DLGAP2: variants seen among roughly 807,000 people sequenced by gnomAD.
DLGAP2 encodes DLG associated protein 2.
Under a neutral mutation model 100.3 loss-of-function variants are expected in DLGAP2, and 26 were observed. That is an observed-to-expected ratio of 0.26 (90% CI 0.19 to 0.36). The LOEUF (loss-of-function observed/expected upper bound fraction) is 0.36. Ranked by LOEUF, DLGAP2 falls within the 10% of genes least tolerant of loss-of-function variation. The pLI is 1.00. For missense variants in DLGAP2, 1,858 were observed against 1,453.2 expected, an observed-to-expected ratio of 1.28 and a Z score of -4.53; for synonymous variants, 886 against 630.1, an observed-to-expected ratio of 1.41 and a Z score of -6.08.
chr8:1,237,908 C>G (rs1164894305), intron 2 of DLGAP2, among the ~76,000 whole-genome samples: 1 of 10,784 alleles, frequency 9.3e-5, no homozygotes, highest in African/African-American at 9.1e-4. Flanking sequence ...GTATCTAGTT[C>G]TCTCTCACGC....
At position 1,705,354 on chromosome 8, in the gene DLGAP2, G is replaced by C. The variant is rs1799678285; in HGVS notation, c.*3948G>C. On this transcript the variant is annotated 3_prime_UTR_variant, in exon 15 of 15. Transcript: ENST00000637795. Reference sequence around the variant, plus strand: ...GCGTTTCATCAGTCAGCCTTGCTTGGAATTCTGGCAGGTTCCCCGGGGTGT... The same window carrying C: ...GCGTTTCATCAGTCAGCCTTGCTTGCAATTCTGGCAGGTTCCCCGGGGTGT... The C allele has an allele frequency of 6.6e-6, 1 of 152,276 alleles. No homozygotes were observed. 9.4% of individuals were successfully genotyped at this position (152,276 alleles called of 1,614,324 possible).
chr8:1,200,499 G>C (rs1419897197), intron 2 of DLGAP2, among the ~76,000 whole-genome samples: 1 of 152,150 alleles, frequency 6.6e-6, no homozygotes, highest in African/African-American at 2.4e-5. Flanking sequence ...GTGCTCCTCG[G>C]GGGCTGAAGG....
intron 2 of DLGAP2, among the ~76,000 whole-genome samples, chr8:1,178,880 T>G (rs1403239948): frequency 6.6e-6 from 1 of 152,152 alleles, no homozygotes; most frequent in Non-Finnish European, 1.5e-5. Flanking sequence ...GCTCTTTCAG[T>G]TAGGAGCCCC....
intron 2 of DLGAP2, among the ~76,000 whole-genome samples, chr8:1,257,134 G>T (rs1799240890): frequency 6.6e-6 from 1 of 152,260 alleles, no homozygotes; most frequent in Non-Finnish European, 1.5e-5. Context: ...GAAGTCGGGA[G>T]AGCTCAGTAG....
intron 5 of DLGAP2, among the ~76,000 whole-genome samples, chr8:1,550,289 T>A (rs1236923479): frequency 6.6e-6 from 1 of 152,206 alleles, no homozygotes; most frequent in Non-Finnish European, 1.5e-5. Context: ...GACGGCACGC[T>A]ATGGCTTTGT....
intron 2 of DLGAP2, among the ~76,000 whole-genome samples, chr8:1,245,229 C>G (rs544125838): frequency 2.6e-5 from 4 of 152,238 alleles, no homozygotes; most frequent in African/African-American, 7.2e-5. Flanking sequence ...ACCATAAATC[C>G]CATTTCTTGG....
At chr8:775,272 A>G (rs1312155616) in intron 1 of DLGAP2, among the ~76,000 whole-genome samples, 1 of 152,140 alleles carries the variant, frequency 6.6e-6, no homozygotes, top group East Asian at 1.9e-4. Context: ...GGTTTTCTAG[A>G]TATACAATGA....
intron 4 of DLGAP2, among the ~76,000 whole-genome samples, chr8:1,546,737 A>T (rs1440622625): frequency 6.6e-6 from 1 of 152,098 alleles, no homozygotes; most frequent in Non-Finnish European, 1.5e-5. Flanking sequence ...GCAGGGCATG[A>T]TGGACTCACC....
At chr8:1,372,287 C>G (rs1802259259) in intron 3 of DLGAP2, among the ~76,000 whole-genome samples, 1 of 152,050 alleles carries the variant, frequency 6.6e-6, no homozygotes, top group Non-Finnish European at 1.5e-5. Flanking sequence ...ACGCTGGTCA[C>G]CGTGCTGCCA....
intron 3 of DLGAP2, among the ~76,000 whole-genome samples, chr8:1,427,628 C>T (rs1797272201): frequency 1.3e-5 from 2 of 152,150 alleles, no homozygotes; most frequent in South Asian, 4.1e-4. Context: ...GGGGGTGGGT[C>T]TTTCCTGCTC....
chr8:1,418,984 C>G (rs1055039392), intron 3 of DLGAP2, among the ~76,000 whole-genome samples: 3 of 152,262 alleles, frequency 2.0e-5, no homozygotes, highest in African/African-American at 4.8e-5. Context: ...AATGCTCCCA[C>G]TCAGGCACAG....
intron 1 of DLGAP2, among the ~76,000 whole-genome samples, chr8:788,293 T>C (rs2132635437): frequency 6.6e-6 from 1 of 152,378 alleles, no homozygotes; most frequent in South Asian, 2.1e-4. Context: ...CCATGTGGTC[T>C]GGTCGAGATA....
At chr8:751,878 T>C (rs915097589) in intron 1 of DLGAP2, among the ~76,000 whole-genome samples, 6 of 152,110 alleles carry the variant, frequency 3.9e-5, no homozygotes, top group African/African-American at 1.4e-4. Context: ...TAGTAAGTCC[T>C]TATAGGAAGT....
intron 3 of DLGAP2, among the ~76,000 whole-genome samples, chr8:1,457,919 A>G (rs995803764): frequency 1.4e-5 from 2 of 146,592 alleles, no homozygotes; most frequent in African/African-American, 2.5e-5. Flanking sequence ...CCTTTAAACT[A>G]TGATGCAGGG....
intron 2 of DLGAP2, among the ~76,000 whole-genome samples, chr8:1,149,429 C>G (rs1330234656): frequency 7.9e-5 from 12 of 152,212 alleles, no homozygotes; most frequent in Admixed American, 2.6e-4. Context: ...TTACAGGCAC[C>G]AGCCACCGCG....
chr8:768,951 G>A (rs1014981924), intron 1 of DLGAP2, among the ~76,000 whole-genome samples: 7 of 152,096 alleles, frequency 4.6e-5, no homozygotes, highest in South Asian at 2.1e-4. Flanking sequence ...AACCTTGGGC[G>A]TCCGCAGCCT....
intron 2 of DLGAP2, among the ~76,000 whole-genome samples, chr8:945,044 A>G (rs767293083): frequency 6.6e-6 from 1 of 152,188 alleles, no homozygotes; most frequent in Non-Finnish European, 1.5e-5. Context: ...TTCAAGAGCA[A>G]AGTTCTTTCC....
intron 6 of DLGAP2, among the ~76,000 whole-genome samples, chr8:1,616,472 G>C (rs1042862821): frequency 2.0e-5 from 3 of 152,268 alleles, no homozygotes; most frequent in East Asian, 1.9e-4. Flanking sequence ...AAACCAGAGA[G>C]AGACAAGTCT....
chr8:1,524,086 C>T (rs1417074198), intron 4 of DLGAP2, among the ~76,000 whole-genome samples: 1 of 152,178 alleles, frequency 6.6e-6, no homozygotes, highest in Admixed American at 6.5e-5. Flanking sequence ...TTCAGCGGTG[C>T]CTCCACTCTG....
Sources: allele counts gnomAD v4.1 joint callset (sites outside exome capture counted in the v4.1 genomes callset), GRCh38; gene constraint gnomAD v4.1.1; transcripts MANE v1.5; gene names NCBI Gene and HGNC (gene_info 2026-07-23, HGNC 2026-07-21).